Variants in ADGRL2 observed in about 807,000 individuals in gnomAD.
ADGRL2 encodes the protein calcium-independent alpha-latrotoxin receptor 2.
ADGRL2 carries 44 observed loss-of-function variants against 157.4 expected under a neutral mutation model. That is an observed-to-expected ratio of 0.28 (90% CI 0.22 to 0.36). The LOEUF is 0.36. Among genes scored for constraint, ADGRL2 ranks in the 10% least tolerant of loss-of-function variants. The pLI, the probability that ADGRL2 is intolerant of heterozygous loss-of-function variation, is 1.00. For missense variants in ADGRL2, 1,510 were observed against 1,768.9 expected (o/e 0.85, Z 2.63); for synonymous variants, 585 against 624.7 (o/e 0.94, Z 0.95).
chr1:81,901,173 A>G (rs746563350), intron 2 of ADGRL2, among the ~76,000 whole-genome samples: 1 of 152,198 alleles, frequency 6.6e-6, no homozygotes, highest in Non-Finnish European at 1.5e-5. Context: ...TAAAATAGAA[A>G]TTGCCTCAGA....
chr1:81,495,618 CTCTT>C (rs2078715476), intron 2 of ADGRL2, among the ~76,000 whole-genome samples: 1 of 152,096 alleles, frequency 6.6e-6, no homozygotes, highest in African/African-American at 2.4e-5. Flanking sequence ...GTTTTTCTCT[CTCTT>C]AATTGATGAG....
rs1455817072 is a variant in ADGRL2, at chr1:81,354,710, A to G, written c.-302+48201A>G. Among the ~76,000 whole-genome samples, 28 of 152,184 alleles carry G rather than the reference A, an allele frequency of 1.8e-4. 1 individual carries two copies. Among genetic ancestry groups the G allele is most frequent in the Admixed American group, 1.8e-3 (28 of 15,268 alleles). On this transcript the variant is annotated intron_variant, in intron 1 of 24. Transcript: ENST00000370721. The stretch of plus-strand genomic sequence containing the variant: ...AATGTATTCTATCTTGTCTTGTATA[A>G]TTAATTCCCTTTTTGGATTCTTATA...
At chr1:81,605,503 A>G (rs1000365279) in intron 3 of ADGRL2, among the ~76,000 whole-genome samples, 3 of 152,210 alleles carry the variant, frequency 2.0e-5, no homozygotes, top group Non-Finnish European at 4.4e-5. Context: ...AAGCCCCCAC[A>G]TAATAATATA....
chr1:81,720,630 C>T (rs925131002), intron 1 of ADGRL2, among the ~76,000 whole-genome samples: 10 of 151,968 alleles, frequency 6.6e-5, no homozygotes, highest in African/African-American at 2.2e-4. Flanking sequence ...AAATATGAAA[C>T]TACAAAATTT....
chr1:81,810,808 A>C (rs2149657555), intron 1 of ADGRL2, among the ~76,000 whole-genome samples: 1 of 151,952 alleles, frequency 6.6e-6, no homozygotes, highest in Admixed American at 6.6e-5. Flanking sequence ...AAAACACGTC[A>C]CTTTGCCTCA....
chr1:81,494,874 A>C (rs1411958186), intron 2 of ADGRL2, among the ~76,000 whole-genome samples: 1 of 152,136 alleles, frequency 6.6e-6, no homozygotes, highest in Non-Finnish European at 1.5e-5. Flanking sequence ...GCTAACCTAC[A>C]TTACCATATT....
At chr1:81,966,035 C>A in intron 11 of ADGRL2, 23 bp from the exon 12 acceptor site, 1 of 1,611,432 alleles carries the variant, frequency 6.2e-7, no homozygotes, top group Non-Finnish European at 8.5e-7. Context: ...TTCCCCACCT[C>A]CTTTATCTTT....
chr1:81,851,554 A>G (rs1278941994), intron 2 of ADGRL2, among the ~76,000 whole-genome samples: 2 of 151,952 alleles, frequency 1.3e-5, no homozygotes, highest in Non-Finnish European at 2.9e-5. Flanking sequence ...GTATTTTATT[A>G]TAATGATATT....
chr1:81,752,431 T>G (rs2149270787), intron 1 of ADGRL2, among the ~76,000 whole-genome samples: 1 of 152,330 alleles, frequency 6.6e-6, no homozygotes, highest in African/African-American at 2.4e-5. Context: ...ACTACAGCAT[T>G]ATAATAATGA....
intron 3 of ADGRL2, among the ~76,000 whole-genome samples, chr1:81,638,751 G>C (rs941886917): frequency 1.3e-5 from 2 of 152,098 alleles, no homozygotes; most frequent in African/African-American, 4.8e-5. Flanking sequence ...ACAAAAGGCA[G>C]AAAAAGAGTG....
chr1:81,358,814 A>G (rs535667941), intron 1 of ADGRL2, among the ~76,000 whole-genome samples: 5 of 152,268 alleles, frequency 3.3e-5, no homozygotes, highest in African/African-American at 1.2e-4. Flanking sequence ...TTAATCAATT[A>G]CACAAACTTA....
chr1:81,334,158 G>A (rs991838800), intron 1 of ADGRL2, among the ~76,000 whole-genome samples: 2 of 152,172 alleles, frequency 1.3e-5, no homozygotes, highest in African/African-American at 4.8e-5. Flanking sequence ...AATAGCACAA[G>A]CTCTGAAACC....
intron 20 of ADGRL2, among the ~76,000 whole-genome samples, 182 bp downstream of exon 20, chr1:81,984,893 G>C (rs1662713134): frequency 6.6e-6 from 1 of 151,934 alleles, no homozygotes; most frequent in Non-Finnish European, 1.5e-5. Flanking sequence ...CTTTATATGT[G>C]AACGTCCTTT....
At chr1:81,829,068 T>C (rs12562384) in intron 1 of ADGRL2, among the ~76,000 whole-genome samples, 21,360 of 152,040 alleles carry the variant, frequency 0.14, 1,666 homozygotes, top group East Asian at 0.2. Flanking sequence ...CCTGCCACCA[T>C]GCCTGGCTAA....
chr1:81,823,634 A>G (rs2091210145), intron 1 of ADGRL2, among the ~76,000 whole-genome samples: 2 of 151,966 alleles, frequency 1.3e-5, no homozygotes, highest in South Asian at 4.2e-4. Flanking sequence ...ACTCTGTACT[A>G]TGGACAAAAA....
chr1:81,795,870 C>T (rs2087560037), upstream of ADGRL2, among the ~76,000 whole-genome samples: 1 of 152,182 alleles, frequency 6.6e-6, no homozygotes, highest in Non-Finnish European at 1.5e-5. Flanking sequence ...TTAGATTATT[C>T]TTAGTTTACC....
chr1:81,670,023 G>A (rs1306294710), intron 3 of ADGRL2, among the ~76,000 whole-genome samples: 1 of 151,592 alleles, frequency 6.6e-6, no homozygotes, highest in Non-Finnish European at 1.5e-5. Context: ...GGGAAGGATA[G>A]AATTAGGCAG....
At chr1:81,788,907 G>T (rs976420688) in intron 2 of ADGRL2, among the ~76,000 whole-genome samples, 2 of 151,970 alleles carry the variant, frequency 1.3e-5, no homozygotes, top group Non-Finnish European at 2.9e-5. Flanking sequence ...TAGTAGAGAC[G>T]AGGTTTCACT....
intron 2 of ADGRL2, among the ~76,000 whole-genome samples, chr1:81,904,626 G>A (rs2094550806): frequency 6.6e-6 from 1 of 152,066 alleles, no homozygotes; most frequent in South Asian, 2.1e-4. Flanking sequence ...CAAAAACTTT[G>A]GGGCTGGGCA....
Sources: gnomAD v4.1 joint callset for allele counts (sites outside exome capture counted in the v4.1 genomes callset) on GRCh38, gnomAD v4.1.1 for gene constraint, MANE v1.5 for transcripts, NCBI Gene and HGNC (gene_info 2026-07-23, HGNC 2026-07-21) for gene names.